AMER1: variants seen among roughly 807,000 people sequenced by gnomAD.
AMER1 encodes APC membrane recruitment protein 1, also known as RP11-403E24.2.
Under a neutral mutation model 53.0 loss-of-function variants are expected in AMER1, and 16 were observed. That is an observed-to-expected ratio of 0.30 (90% confidence interval 0.20 to 0.46). The LOEUF is 0.46. Ranked by LOEUF, AMER1 falls within the 20% of genes least tolerant of loss-of-function variation. AMER1 has a pLI of 1.00. For missense variants in AMER1, 947 were observed against 884.9 expected, an observed-to-expected ratio of 1.07 and a Z score of -0.89; for synonymous variants, 354 against 331.9, an observed-to-expected ratio of 1.07 and a Z score of -0.73.
In AMER1 at chrX:64,190,418, C is replaced by T. The variant is rs370290063; in HGVS notation, c.2869G>A (p.Asp957Asn). The T allele has an allele frequency of 5.8e-6, 7 of 1,210,339 alleles. No homozygotes were observed. The African/African-American group carries it at 7.0e-5, about 12-fold the overall frequency. ...SLYTEPPGAYDWPAWAPCPLP... is the reference protein window; with the variant it reads ...SLYTEPPGAYNWPAWAPCPLP... ...GGACAGGGAGCCCAAGCAGGCCAAT[C>T]ATAGGCCCCTGGGGGTTCAGTATAG... Residue 957 changes from aspartate to asparagine, a missense_variant, in exon 2 of 2, where the codon GAT (aspartate) becomes AAT (asparagine). Physicochemically the swap from Asp to Asn is conservative, Grantham distance 23. Coordinates refer to ENST00000374869, the MANE Select transcript of AMER1 (RefSeq NM_152424.4).
At chrX:64,201,006 C>T (rs747160440) in intron 1 of AMER1, among the ~76,000 whole-genome samples, 12 of 111,088 alleles carry the variant, frequency 1.1e-4, no homozygotes, top group African/African-American at 2.3e-4. Flanking sequence ...CACTTGGAAG[C>T]CCAGCGGGGG....
At chrX:64,202,184 G>A (rs1930500682) in intron 1 of AMER1, among the ~76,000 whole-genome samples, 1 of 111,754 alleles carries the variant, frequency 8.9e-6, no homozygotes, top group Admixed American at 9.5e-5. Context: ...GGGATCATTA[G>A]ACTGCCAAAT....
Position 64,196,159 on chromosome X carries a change from C to T in AMER1, c.-98-2775G>A, listed in dbSNP as rs188258435. 8.0e-5 allele frequency among the ~76,000 whole-genome samples: 9 copies of T among 112,146 alleles called. No homozygotes were observed. The East Asian group carries it at 1.7e-3, about 21-fold the overall frequency. ...CACTCACCTCTCTCTGTATTGTCCCCTTTCCTGTCACAGGGAGCTGCAGTG... is the reference window on the plus strand; with the variant it reads ...CACTCACCTCTCTCTGTATTGTCCCTTTTCCTGTCACAGGGAGCTGCAGTG... On this transcript the variant is annotated intron_variant, in intron 1 of 1. Transcript: ENST00000374869.
At position 64,188,527 on chromosome X, in the gene AMER1, C is replaced by T. The variant is rs1930154201; in HGVS notation, c.*1352G>A. The T allele has an allele frequency of 1.4e-5, 11 of 802,212 alleles. No homozygotes were observed. The South Asian group carries it at 6.0e-4, about 44-fold the overall frequency. The allele number at this position is 802,212 out of a possible 1,213,427, so 66.1% of individuals were successfully genotyped here. ...CTGTCATTTGATGATGCTAAGGACT[C>T]GGCTAATTGGAAGATAAAAGCTCTT... On this transcript the variant is annotated 3_prime_UTR_variant, in exon 2 of 2. Coordinates refer to ENST00000374869, the MANE Select transcript of AMER1 (RefSeq NM_152424.4).
rs780483016 is a variant in AMER1 at position 64,191,767 on chromosome X, T to C, written c.1520A>G (p.Glu507Gly). ...RDSYSGDALY[E>G]FYEPDDSLEN... The stretch of plus-strand genomic sequence containing the variant: ...AAGGCTGTCATCTGGCTCATAGAAC[T>C]CATATAGGGCATCTCCACTGTAGCT... Residue 507 changes from glutamate (E) to glycine (G), a missense_variant, in exon 2 of 2, where the codon GAG (glutamate) becomes GGG (glycine). Coordinates refer to ENST00000374869, the MANE Select transcript of AMER1 (RefSeq NM_152424.4). 1 of 1,211,178 alleles carries C rather than the reference T, an allele frequency of 8.3e-7. No homozygotes were observed. The highest frequency in any genetic ancestry group is 1.8e-5 in the South Asian group (1 of 56,870).
chrX:64,202,862 C>G (rs1024999823), intron 1 of AMER1, among the ~76,000 whole-genome samples: 1 of 111,743 alleles, frequency 8.9e-6, no homozygotes, highest in Non-Finnish European at 1.9e-5. Context: ...TCTTTGATGC[C>G]GCCTTCCCCT....
rs1930124017 is a variant in AMER1 at position 64,186,998 on chromosome X, C to T, written c.*2881G>A. ...TAAAATCACATCCAAAAGCATTATT[C>T]CAGGACCTTGCAATGGAGACATGTT... On this transcript the variant is annotated 3_prime_UTR_variant, in exon 2 of 2. Transcript: ENST00000374869. 1.3e-6 allele frequency: 1 copy of T among 775,796 alleles called. No individual in the cohort carries two copies. The highest frequency in any genetic ancestry group is 1.5e-6 in the Non-Finnish European group (1 of 652,603). The allele number at this position is 775,796 out of a possible 1,213,427, so 63.9% of individuals were successfully genotyped here.
intron 1 of AMER1, among the ~76,000 whole-genome samples, chrX:64,199,968 AC>A (rs1482382554): frequency 8.9e-6 from 1 of 112,404 alleles, no homozygotes; most frequent in Non-Finnish European, 1.9e-5. Flanking sequence ...AGATGTGGTC[AC>A]CCAGATACCA....
Position 64,190,020 on chromosome X carries a change from C to T in AMER1, c.3267G>A (p.Arg1089=), listed in dbSNP as rs1468255983. The T allele has an allele frequency of 8.3e-7, 1 of 1,207,138 alleles. No homozygotes were observed. Among genetic ancestry groups the T allele is most frequent in the East Asian group, 3.0e-5 (1 of 33,681 alleles). ...GAGGCTGGGGGTGCTCAGGCCGGAC[C>T]CTGGGCAGCTGAGGAATGCCATGGG... ...GITHGIPQLP[R]VRPEHPQPQP... The change falls in exon 2 of 2, where the codon AGG becomes AGA. Residue 1089 remains arginine (R), a synonymous_variant. Transcript: ENST00000374869.
Position 64,187,138 on chromosome X carries a change from A to G in AMER1, c.*2741T>C, listed in dbSNP as rs1329737083. 91 of 785,031 alleles carry G rather than the reference A, an allele frequency of 1.2e-4. No homozygotes were observed. Among genetic ancestry groups the G allele is most frequent in the Non-Finnish European group, 1.4e-4 (89 of 658,609 alleles). 64.7% of individuals were successfully genotyped at this position (785,031 alleles called of 1,213,427 possible). A position where few individuals can be genotyped will look rare whatever the true frequency, so the allele number is the denominator to read the frequency against. On this transcript the variant is annotated 3_prime_UTR_variant, in exon 2 of 2. Transcript: ENST00000374869. ...AGTCTGTGTTTGGAAACAGGCCTGAAGCTTGGCTGGCTCTCCCAATGTCAC... is the reference window on the plus strand; with the variant it reads ...AGTCTGTGTTTGGAAACAGGCCTGAGGCTTGGCTGGCTCTCCCAATGTCAC...
In AMER1 at chrX:64,193,133, G is replaced by A. The variant is rs1285996741; in HGVS notation, c.154C>T (p.Leu52=). The change falls in exon 2 of 2, where the codon CTG becomes TTG. Residue 52 remains leucine (L), a synonymous_variant. Transcript: ENST00000374869. ...AAGAGTTTCATGGCAGTTTTCTTCA[G>A]CCTACCTGGGCCGGATGAGGATGGC... The part of the protein sequence containing the change: ...SEPSSSGPGR[L]KKTAMKLFGG... 1 of 1,211,804 alleles carries A rather than the reference G, an allele frequency of 8.3e-7. No individual in the cohort carries two copies. The highest frequency in any genetic ancestry group is 2.3e-4 in the Middle Eastern group (1 of 4,354).
In AMER1 at chrX:64,201,859, C is replaced by T. The variant is rs1316642182; in HGVS notation, c.-99+3711G>A. Among the ~76,000 whole-genome samples the T allele has an allele frequency of 3.6e-5, 4 of 112,034 alleles. No individual in the cohort carries two copies. The South Asian group carries it at 1.5e-3, about 42-fold the overall frequency. On this transcript the variant is annotated intron_variant, in intron 1 of 1. Coordinates refer to ENST00000374869, the MANE Select transcript of AMER1 (RefSeq NM_152424.4). ...CAGGAAATTTCGTGTTTCTTTGAGA[C>T]AGGGTCTTGCTCTGCTGCCCAGCCT...
At chrX:64,196,678 C>G (rs1382744754) in intron 1 of AMER1, among the ~76,000 whole-genome samples, 3 of 112,077 alleles carry the variant, frequency 2.7e-5, no homozygotes, top group Admixed American at 9.4e-5. Flanking sequence ...TTGTGGGAGA[C>G]AGATGAATTA....
Position 64,188,802 on chromosome X carries a change from C to T in AMER1, c.*1077G>A, listed in dbSNP as rs1174977687. 2 of 803,375 alleles carry T rather than the reference C, an allele frequency of 2.5e-6. No individual in the cohort carries two copies. The highest frequency in any genetic ancestry group is 4.4e-5 in the African/African-American group (2 of 45,441). 66.2% of individuals were successfully genotyped at this position (803,375 alleles called of 1,213,427 possible). A position where few individuals can be genotyped will look rare whatever the true frequency, so the allele number is the denominator to read the frequency against. Reference sequence around the variant, plus strand: ...TTTTCTATCTTTCCCCTACACTCCACAAAAACCCCAGCCCCTATAGTCAAG... The same window carrying T: ...TTTTCTATCTTTCCCCTACACTCCATAAAAACCCCAGCCCCTATAGTCAAG... On this transcript the variant is annotated 3_prime_UTR_variant, in exon 2 of 2. Transcript: ENST00000374869.
chrX:64,202,476 C>A (rs756142990), intron 1 of AMER1, among the ~76,000 whole-genome samples: 1 of 111,735 alleles, frequency 8.9e-6, no homozygotes, highest in South Asian at 3.8e-4. Flanking sequence ...TGACCTTAAG[C>A]GAGCCCCTGT....
rs2147088505 is a variant in AMER1, at chrX:64,191,919, A to G, written c.1368T>C (p.Pro456=). Residue 456 remains proline (P), a synonymous_variant, in exon 2 of 2, where the codon CCT becomes CCC. Transcript: ENST00000374869. Reference sequence around the variant, plus strand: ...GGGCGGATTCTTGCTGGTCACTCTGAGGAGTCAAAAGTTCCCCAGGGGCTA... The same window carrying G: ...GGGCGGATTCTTGCTGGTCACTCTGGGGAGTCAAAAGTTCCCCAGGGGCTA... ...PGLAPGELLT[P]QSDQQESAPN... 1 of 1,211,675 alleles carries G rather than the reference A, an allele frequency of 8.3e-7. No homozygotes were observed. The highest frequency in any genetic ancestry group is 1.1e-6 in the Non-Finnish European group (1 of 895,514).
At chrX:64,201,250 C>T (rs1165457786) in intron 1 of AMER1, among the ~76,000 whole-genome samples, 2 of 110,978 alleles carry the variant, frequency 1.8e-5, no homozygotes, top group Non-Finnish European at 3.8e-5. Flanking sequence ...GGTTCCCCTG[C>T]CTGCCTTTGC....
At chrX:64,200,425 T>C (rs1256293289) in intron 1 of AMER1, among the ~76,000 whole-genome samples, 6 of 112,233 alleles carry the variant, frequency 5.3e-5, no homozygotes, top group Non-Finnish European at 3.8e-5. Context: ...GTGAGGAAAC[T>C]GAAGCTTGGG....
rs1370992908 is a variant in AMER1 at position 64,200,897 on chromosome X, C to A, written c.-99+4673G>T. Among the ~76,000 whole-genome samples the A allele has an allele frequency of 7.2e-5, 8 of 111,669 alleles. No homozygotes were observed. The East Asian group carries it at 2.0e-3, about 28-fold the overall frequency. ...GGGGCCAGAACTGGTCATGCCATTC[C>A]TCATTCCCCTGAAAAGAGCCACAGC... is the stretch of plus-strand genomic sequence containing the variant. On this transcript the variant is annotated intron_variant, in intron 1 of 1. Transcript: ENST00000374869.
Sources: allele counts gnomAD v4.1 joint callset (sites outside exome capture counted in the v4.1 genomes callset), GRCh38; gene constraint gnomAD v4.1.1; transcripts MANE v1.5; gene names NCBI Gene and HGNC (gene_info 2026-07-23, HGNC 2026-07-21).